PSMC4: variants seen among roughly 807,000 people sequenced by gnomAD.
PSMC4 encodes 26S proteasome regulatory subunit 6B.
PSMC4 carries 13 observed loss-of-function variants against 48.4 expected under a neutral mutation model. The ratio of observed to expected loss-of-function variants is 0.27; its 90% confidence interval spans 0.18 to 0.43. The LOEUF is 0.43. Among genes scored for constraint, PSMC4 ranks in the 20% least tolerant of loss-of-function variants. The pLI is 1.00. For synonymous variants in PSMC4, 202 were observed against 212.3 expected (o/e 0.95, Z 0.42); for missense variants, 262 against 555.9 (o/e 0.47, Z 5.32).
At chr19:39,976,401 CAAAAAA>C (rs757355957) in intron 6 of PSMC4, among the ~76,000 whole-genome samples, 1 of 45,186 alleles carries the variant, frequency 2.2e-5, no homozygotes, top group Non-Finnish European at 5.0e-5. Context: ...GACTCCGTCT[CAAAAAA>C]AAAAAAAAAA....
intron 6 of PSMC4, among the ~76,000 whole-genome samples, chr19:39,977,417 A>T (rs1054346914): frequency 6.6e-6 from 1 of 152,052 alleles, no homozygotes; most frequent in Non-Finnish European, 1.5e-5. Context: ...TTCTGAGTGA[A>T]TTGGGGTGGT....
At chr19:39,977,119 C>T (rs1377553423) in intron 6 of PSMC4, among the ~76,000 whole-genome samples, 2 of 151,926 alleles carry the variant, frequency 1.3e-5, no homozygotes, top group African/African-American at 2.4e-5. Context: ...TCCCAAAATT[C>T]TGGGATTACA....
Position 39,972,253 on chromosome 19 carries a change from G to C in PSMC4, c.135+9G>C. ...TGTACAGCCGCTACAAGGTACATTC[G>C]ACCCCCAACCCAGACCTTGCACAGG... is the stretch of plus-strand genomic sequence containing the variant. On this transcript the variant is annotated intron_variant, in intron 2 of 10. Transcript: ENST00000157812. 2 of 1,613,024 alleles carry C rather than the reference G, an allele frequency of 1.2e-6. No homozygotes were observed. Among genetic ancestry groups the C allele is most frequent in the Non-Finnish European group, 1.7e-6 (2 of 1,179,414 alleles).
Position 39,980,825 on chromosome 19 carries a change from G to T in PSMC4, c.1143+108G>T. On this transcript the variant is annotated intron_variant, in intron 10 of 10. Transcript: ENST00000157812. The surrounding 1 kb of genome is among the most constrained non-coding windows in gnomAD (Gnocchi z 4.8). The stretch of plus-strand genomic sequence containing the variant: ...CCCTCATGGCTGCCCTGGGTCGTGG[G>T]CGCCATCTCTCTCTTCCTCTACCAT... 1 of 1,108,218 alleles carries T rather than the reference G, an allele frequency of 9.0e-7. No individual in the cohort carries two copies. Among genetic ancestry groups the T allele is most frequent in the East Asian group, 2.4e-5 (1 of 42,536 alleles). The allele number at this position is 1,108,218 out of a possible 1,614,324, so 68.6% of individuals were successfully genotyped here. A position where few individuals can be genotyped will look rare whatever the true frequency, so the allele number is the denominator to read the frequency against.
chr19:39,972,079 A>G, intron 1 of PSMC4, 67 bp from the exon 2 acceptor site: 1 of 1,424,698 alleles, frequency 7.0e-7, no homozygotes, highest in Non-Finnish European at 9.9e-7. Context: ...AACAAACATT[A>G]GTGAAGTTGG....
At chr19:39,975,022 A>G (rs1971175349) in intron 6 of PSMC4, among the ~76,000 whole-genome samples, 194 bp downstream of exon 6, 1 of 152,208 alleles carries the variant, frequency 6.6e-6, no homozygotes, top group Non-Finnish European at 1.5e-5. Flanking sequence ...ACCCGGTGAT[A>G]GTGAGCAGTT....
chr19:39,974,834 C>A lies in PSMC4; in HGVS notation c.673+6C>A, dbSNP rs1971172356. On this transcript the variant is annotated splice_donor_region_variant and intron_variant, in intron 6 of 10. Coordinates refer to ENST00000157812, the MANE Select transcript of PSMC4 (RefSeq NM_006503.4). The surrounding 1 kb of genome is among the most constrained non-coding windows in gnomAD (Gnocchi z 5.5). ...GGTGGCACATCACACAACAGGTGAG[C>A]CCTTTCGCCCCTGCCCCGAGCTCTC... 1.2e-6 allele frequency: 2 copies of A among 1,610,086 alleles called. No individual in the cohort carries two copies. Among genetic ancestry groups the A allele is most frequent in the Non-Finnish European group, 1.7e-6 (2 of 1,176,812 alleles).
intron 1 of PSMC4, 33 bp from the exon 2 acceptor site, chr19:39,972,113 T>C (rs1293689058): frequency 6.3e-7 from 1 of 1,580,798 alleles, no homozygotes. Context: ...GAGGACTGTC[T>C]TCTTCCAATG....
chr19:39,976,508 GTTTC>G (rs1971201624), intron 6 of PSMC4, among the ~76,000 whole-genome samples: 2 of 139,766 alleles, frequency 1.4e-5, no homozygotes, highest in Non-Finnish European at 3.0e-5. Context: ...GATTCGTAAA[GTTTC>G]TTTTTTTTTT....
intron 3 of PSMC4, among the ~76,000 whole-genome samples, chr19:39,973,081 T>G (rs960427456): frequency 2.6e-5 from 4 of 152,226 alleles, no homozygotes; most frequent in Non-Finnish European, 5.9e-5. Flanking sequence ...TATCTGTATC[T>G]GTCTCTTACT....
In PSMC4 at chr19:39,980,757, G is replaced by C; in HGVS notation, c.1143+40G>C. On this transcript the variant is annotated intron_variant, in intron 10 of 10. Coordinates refer to ENST00000157812, the MANE Select transcript of PSMC4 (RefSeq NM_006503.4). The surrounding 1 kb of genome is among the most constrained non-coding windows in gnomAD (Gnocchi z 4.8). ...CTCTCTGGATCCAGGCAGCGGGTGT[G>C]TGAGGACCCTTCTTCTCTGAACCAC... 2 of 1,595,506 alleles carry C rather than the reference G, an allele frequency of 1.3e-6. No homozygotes were observed. Among genetic ancestry groups the C allele is most frequent in the East Asian group, 4.5e-5 (2 of 44,762 alleles).
At chr19:39,976,799 G>A (rs1599728441) in intron 6 of PSMC4, among the ~76,000 whole-genome samples, 1 of 150,854 alleles carries the variant, frequency 6.6e-6, no homozygotes, top group Non-Finnish European at 1.5e-5. Flanking sequence ...GTGAGCCACC[G>A]CACCCAGCCC....
Position 39,981,514 on chromosome 19 carries a change from A to C in PSMC4, c.*209A>C. On this transcript the variant is annotated 3_prime_UTR_variant, in exon 11 of 11. Coordinates refer to ENST00000157812, the MANE Select transcript of PSMC4 (RefSeq NM_006503.4). ...GAATAGGATCCTCTGGGTCCCTCTT[A>C]ATCTGACAGATGAGCAGACGAGGTG... 2 of 496,916 alleles carry C rather than the reference A, an allele frequency of 4.0e-6. No homozygotes were observed. Among genetic ancestry groups the C allele is most frequent in the Non-Finnish European group, 7.3e-6 (2 of 273,880 alleles). 30.8% of individuals were successfully genotyped at this position (496,916 alleles called of 1,614,324 possible).
At position 39,981,267 on chromosome 19, in the gene PSMC4, A is replaced by G; in HGVS notation, c.1219A>G (p.Ile407Val). 6.2e-7 allele frequency: 1 copy of G among 1,614,102 alleles called. No homozygotes were observed. Among genetic ancestry groups the G allele is most frequent in the Non-Finnish European group, 8.5e-7 (1 of 1,179,986 alleles). Residue 407 changes from isoleucine (I) to valine (V), a missense_variant, in exon 11 of 11, where the codon ATC (isoleucine) becomes GTC (valine). Physicochemically the swap from Ile to Val is conservative, Grantham distance 29. This residue lies in a region of PSMC4 where 84 missense variants were observed against 157.8 expected (regional missense o/e 0.53). Coordinates refer to ENST00000157812, the MANE Select transcript of PSMC4 (RefSeq NM_006503.4). The stretch of plus-strand genomic sequence containing the variant: ...CTTCGAGAAAGCATACAAGACTGTC[A>G]TCAAGAAGGACGAGCAGGAGCATGA... ...KDFEKAYKTV[I>V]KKDEQEHEFY...
Position 39,981,554 on chromosome 19 carries a change from C to T in PSMC4, c.*249C>T, listed in dbSNP as rs1971286963. 1 of 381,542 alleles carries T rather than the reference C, an allele frequency of 2.6e-6. No individual in the cohort carries two copies. The highest frequency in any genetic ancestry group is 3.6e-5 in the South Asian group (1 of 27,642). The allele number at this position is 381,542 out of a possible 1,614,324, so 23.6% of individuals were successfully genotyped here. On this transcript the variant is annotated 3_prime_UTR_variant, in exon 11 of 11. Coordinates refer to ENST00000157812, the MANE Select transcript of PSMC4 (RefSeq NM_006503.4). The stretch of plus-strand genomic sequence containing the variant: ...CAGACGAGGTGCATGGCCTGGGTTG[C>T]AGCTTGAGAGAACCAAAATATTCAA...
chr19:39,977,924 C>A (rs61306210), intron 6 of PSMC4, among the ~76,000 whole-genome samples: 1 of 138,418 alleles, frequency 7.2e-6, no homozygotes, highest in Non-Finnish European at 1.5e-5. Context: ...CTCAAGCAAT[C>A]CTCCCCACCT....
At chr19:39,972,733 C>T (rs923695524) in intron 3 of PSMC4, among the ~76,000 whole-genome samples, 178 bp downstream of exon 3, 1 of 148,876 alleles carries the variant, frequency 6.7e-6, no homozygotes, top group Non-Finnish European at 1.5e-5. Flanking sequence ...ATATGTATAT[C>T]TATGTTTTTT....
At position 39,980,772 on chromosome 19, in the gene PSMC4, C is replaced by T; in HGVS notation, c.1143+55C>T. On this transcript the variant is annotated intron_variant, in intron 10 of 10. Coordinates refer to ENST00000157812, the MANE Select transcript of PSMC4 (RefSeq NM_006503.4). The surrounding 1 kb of genome is among the most constrained non-coding windows in gnomAD (Gnocchi z 4.8). Reference sequence around the variant, plus strand: ...CAGCGGGTGTGTGAGGACCCTTCTTCTCTGAACCACTCTGCTGCAGTCCTG... The same window carrying T: ...CAGCGGGTGTGTGAGGACCCTTCTTTTCTGAACCACTCTGCTGCAGTCCTG... 6.5e-7 allele frequency: 1 copy of T among 1,543,132 alleles called. No homozygotes were observed. The highest frequency in any genetic ancestry group is 9.0e-7 in the Non-Finnish European group (1 of 1,115,846).
chr19:39,971,422 G>C (rs1328808365), intron 1 of PSMC4, among the ~76,000 whole-genome samples, 184 bp downstream of exon 1: 1 of 152,154 alleles, frequency 6.6e-6, no homozygotes, highest in African/African-American at 2.4e-5. Flanking sequence ...ATGGTAGGAG[G>C]TAAGGCTCAG....
Sources: allele counts gnomAD v4.1 joint callset (sites outside exome capture counted in the v4.1 genomes callset), GRCh38; gene constraint gnomAD v4.1.1; regional missense constraint gnomAD v4.1.1; non-coding constraint Gnocchi (gnomAD v3.1); transcripts MANE v1.5; gene names NCBI Gene and HGNC (gene_info 2026-07-23, HGNC 2026-07-21).